The following SPATA13 variants were observed in gnomAD, a reference collection of about 807,000 sequenced individuals.
SPATA13 encodes spermatogenesis associated 13.
SPATA13 carries 50 observed loss-of-function variants against 104.0 expected under a neutral mutation model. The observed-to-expected ratio is 0.48, with a 90% CI of 0.38 to 0.61. The LOEUF (loss-of-function observed/expected upper bound fraction) is 0.61. Ranked by LOEUF, SPATA13 falls within the 20% of genes least tolerant of loss-of-function variation. SPATA13 has a pLI of 0.00. For synonymous variants in SPATA13, 606 were observed against 667.5 expected, an observed-to-expected ratio of 0.91 and a Z score of 1.42; for missense variants, 1,524 against 1,690.6, an observed-to-expected ratio of 0.90 and a Z score of 1.73.
Position 24,302,632 on chromosome 13 carries a change from G to T in SPATA13, c.3693G>T (p.Gln1231His), listed in dbSNP as rs753245659. The T allele has an allele frequency of 6.2e-7, 1 of 1,612,992 alleles. No homozygotes were observed. Among genetic ancestry groups the T allele is most frequent in the Non-Finnish European group, 8.5e-7 (1 of 1,179,464 alleles). Residue 1231 changes from glutamine to histidine, a missense_variant, in exon 13 of 13, where the codon CAG becomes CAT. Physicochemically the swap from Gln to His is conservative, Grantham distance 24. Transcript: ENST00000382108. ...YNRCPVAPPH[Q>H]GLHPIHQRHI... is the part of the protein sequence containing the mutation. Reference sequence around the variant, plus strand: ...GGTGCCCTGTGGCCCCACCGCACCAGGGCCTGCACCCCATCCACCAGCGCC... The same window carrying T: ...GGTGCCCTGTGGCCCCACCGCACCATGGCCTGCACCCCATCCACCAGCGCC...
chr13:24,111,194 C>T (rs1315081966), intron 3 of SPATA13, among the ~76,000 whole-genome samples: 2 of 151,876 alleles, frequency 1.3e-5, no homozygotes, highest in Non-Finnish European at 2.9e-5. Flanking sequence ...CATGCATGAG[C>T]CACCACACAC....
chr13:24,264,471 G>C (rs1473770369), intron 4 of SPATA13, among the ~76,000 whole-genome samples: 1 of 152,162 alleles, frequency 6.6e-6, no homozygotes, highest in African/African-American at 2.4e-5. Flanking sequence ...AGATAGTGGA[G>C]CTAGCATTCA....
chr13:24,025,402 G>T (rs1028475155), intron 3 of SPATA13, among the ~76,000 whole-genome samples: 2 of 152,050 alleles, frequency 1.3e-5, no homozygotes, highest in African/African-American at 2.4e-5. Flanking sequence ...TTAATTTCCA[G>T]TTGTAACTAT....
At chr13:24,041,756 A>T (rs904122365) in intron 3 of SPATA13, among the ~76,000 whole-genome samples, 18 of 152,202 alleles carry the variant, frequency 1.2e-4, no homozygotes. Flanking sequence ...CACTCAACCC[A>T]GGAGAAGGTC....
Position 24,302,897 on chromosome 13 carries a change from TGAA to T in SPATA13, c.*126_*128del. The stretch of plus-strand genomic sequence containing the variant: ...ATAAAAACTTCCTTTTAGGGATCAA[TGAA>T]GGAGAGAAGGTCTTGGAATCACCTT... On this transcript the variant is annotated 3_prime_UTR_variant, in exon 13 of 13. Transcript: ENST00000382108. 5.6e-6 allele frequency: 7 copies of T among 1,246,312 alleles called. No individual in the cohort carries two copies. The highest frequency in any genetic ancestry group is 7.9e-6 in the Non-Finnish European group (7 of 883,536). The allele number at this position is 1,246,312 out of a possible 1,614,324, so 77.2% of individuals were successfully genotyped here.
intron 1 of SPATA13, among the ~76,000 whole-genome samples, chr13:24,169,360 T>G (rs1882871723): frequency 6.6e-6 from 1 of 152,134 alleles, no homozygotes; most frequent in South Asian, 2.1e-4. Flanking sequence ...GATTAAACAG[T>G]GGGATTCTGG....
intron 2 of SPATA13, among the ~76,000 whole-genome samples, chr13:24,002,711 A>T (rs891058504): frequency 1.3e-4 from 20 of 152,126 alleles, no homozygotes; most frequent in African/African-American, 4.8e-4. Flanking sequence ...CATCCAGTGC[A>T]CCTGTGACCC....
At chr13:24,077,501 A>T (rs1570462) in intron 3 of SPATA13, among the ~76,000 whole-genome samples, 115,687 of 151,902 alleles carry the variant, frequency 0.76, 44,229 homozygotes, top group East Asian at 0.95. Context: ...GGGTGAGGGA[A>T]GAAAAATTTC....
At chr13:24,275,623 A>G (rs1874922050) in intron 4 of SPATA13, among the ~76,000 whole-genome samples, 1 of 152,196 alleles carries the variant, frequency 6.6e-6, no homozygotes, top group Non-Finnish European at 1.5e-5. Flanking sequence ...CTTCTTGTTT[A>G]CAAGATCGTT....
chr13:24,013,217 C>G (rs1267709138), intron 2 of SPATA13, among the ~76,000 whole-genome samples: 1 of 152,214 alleles, frequency 6.6e-6, no homozygotes, highest in Non-Finnish European at 1.5e-5. Context: ...GTTTCATGCT[C>G]TTTCTCCCAA....
chr13:24,042,365 A>G (rs143203514), intron 3 of SPATA13, among the ~76,000 whole-genome samples: 1 of 152,246 alleles, frequency 6.6e-6, no homozygotes, highest in Non-Finnish European at 1.5e-5. Flanking sequence ...TGGAAAGCCA[A>G]TGATGCAGTT....
chr13:24,215,698 G>T (rs1163371080), intron 1 of SPATA13, among the ~76,000 whole-genome samples: 1 of 152,160 alleles, frequency 6.6e-6, no homozygotes, highest in Non-Finnish European at 1.5e-5. Flanking sequence ...CCCTTTAGGG[G>T]TATTCTGTGC....
At chr13:24,204,146 A>G (rs1382007400) in intron 1 of SPATA13, among the ~76,000 whole-genome samples, 2 of 152,134 alleles carry the variant, frequency 1.3e-5, no homozygotes, top group Admixed American at 6.5e-5. Flanking sequence ...TATTGCATGT[A>G]CTCACAGCCA....
chr13:24,035,834 C>CA (rs929840647), intron 3 of SPATA13, among the ~76,000 whole-genome samples: 5 of 151,464 alleles, frequency 3.3e-5, no homozygotes, highest in African/African-American at 1.2e-4. Context: ...GCTAACATGG[C>CA]AAAAAACCAT....
chr13:24,223,309 G>C lies in SPATA13; in HGVS notation c.380G>C (p.Ser127Thr), dbSNP rs1239693793. The change falls in exon 2 of 13, where the codon AGC becomes ACC. Residue 127 changes from serine (S) to threonine (T), a missense_variant. Physicochemically the swap from Ser to Thr is moderately conservative, Grantham distance 58 (BLOSUM62 1). Coordinates refer to ENST00000382108, the MANE Select transcript of SPATA13 (RefSeq NM_001166271.3). ...LKSSVLKGIQ[S>T]REGSNACSKG... ...TCCTCAGTCCTGAAAGGAATTCAGA[G>C]CCGAGAGGGGTCAAATGCCTGTTCA... The C allele has an allele frequency of 1.3e-6, 2 of 1,551,522 alleles. No homozygotes were observed. Among genetic ancestry groups the C allele is most frequent in the East Asian group, 2.4e-5 (1 of 40,906 alleles).
intron 4 of SPATA13, among the ~76,000 whole-genome samples, chr13:24,279,462 C>A (rs1207778954): frequency 1.3e-5 from 2 of 151,994 alleles, no homozygotes; most frequent in Non-Finnish European, 2.9e-5. Context: ...CTGCCGGGGG[C>A]AGGGGTGGCA....
At chr13:24,105,853 C>G (rs1433951946) in intron 3 of SPATA13, among the ~76,000 whole-genome samples, 1 of 152,170 alleles carries the variant, frequency 6.6e-6, no homozygotes, top group Non-Finnish European at 1.5e-5. Flanking sequence ...AGGACACAGA[C>G]ACACACAGAG....
intron 3 of SPATA13, among the ~76,000 whole-genome samples, chr13:24,136,173 A>C (rs1593352643): frequency 6.6e-6 from 1 of 152,102 alleles, no homozygotes; most frequent in East Asian, 1.9e-4. Context: ...AGGCCACAAA[A>C]ATTCCTTATT....
At chr13:24,034,434 T>C (rs1877604563) in intron 3 of SPATA13, 1 of 152,198 alleles carries the variant, frequency 6.6e-6, no homozygotes, top group Non-Finnish European at 1.5e-5. Context: ...TCAGGGTCTG[T>C]AGCACTTGTT....
Sources: gnomAD v4.1 joint callset for allele counts (sites outside exome capture counted in the v4.1 genomes callset) on GRCh38, gnomAD v4.1.1 for gene constraint, MANE v1.5 for transcripts, NCBI Gene and HGNC (gene_info 2026-07-23, HGNC 2026-07-21) for gene names.